The following RBFOX1 variants were observed in gnomAD, a reference collection of about 807,000 sequenced individuals.
RBFOX1 encodes the protein RNA binding protein fox-1 homolog 1.
Under a neutral mutation model 57.7 loss-of-function variants are expected in RBFOX1, and 8 were observed. That is an observed-to-expected ratio of 0.14 (90% CI 0.08 to 0.25). The LOEUF is 0.25. RBFOX1 is among the 10% of genes least tolerant of loss of function. The pLI, the probability that RBFOX1 is intolerant of heterozygous loss-of-function variation, is 1.00. For synonymous variants in RBFOX1, 326 were observed against 222.4 expected (o/e 1.47, Z -4.15); for missense variants, 611 against 548.5 (o/e 1.11, Z -1.14).
Position 5,523,158 on chromosome 16 carries a change from T to C in RBFOX1, c.258+55904T>C, listed in dbSNP as rs576940197. On this transcript the variant is annotated intron_variant, in intron 2 of 2. Transcript: ENST00000585867. Reference sequence around the variant, plus strand: ...AAAATTAGCTGGGTTTGGTGGTGCATGCCTGTAATTCCAGCTACTCGGGAG... The same window carrying C: ...AAAATTAGCTGGGTTTGGTGGTGCACGCCTGTAATTCCAGCTACTCGGGAG... 4.1e-3 allele frequency among the ~76,000 whole-genome samples: 629 copies of C among 152,216 alleles called. 2 individuals are homozygous for C. The highest frequency in any genetic ancestry group is 6.8e-3 in the Non-Finnish European group (460 of 67,994).
chr16:5,769,052 T>A (rs915508823), intron 3 of RBFOX1, among the ~76,000 whole-genome samples: 2 of 151,738 alleles, frequency 1.3e-5, no homozygotes, highest in African/African-American at 4.8e-5. Flanking sequence ...TTATAAAGCC[T>A]ATAAACTACC....
chr16:7,517,551 GACACACACACAC>G (rs35971142), intron 4 of RBFOX1, among the ~76,000 whole-genome samples: 1 of 150,314 alleles, frequency 6.7e-6, no homozygotes, highest in Admixed American at 6.6e-5. Context: ...CACACACACA[GACACACACACAC>G]ACACACACAC....
intron 2 of RBFOX1, among the ~76,000 whole-genome samples, chr16:6,514,142 T>A (rs2096317730): frequency 1.3e-5 from 2 of 152,146 alleles, no homozygotes; most frequent in African/African-American, 4.8e-5. Context: ...AGGTGTCACG[T>A]TCCATCCAGT....
chr16:6,842,717 A>G lies in RBFOX1; in HGVS notation c.-16+188067A>G, dbSNP rs371036227. ...TGTGTAGAATGTGCAGGTTTGTTAC[A>G]TAGGTATACATGTGCCATGGTGGTT... On this transcript the variant is annotated intron_variant, in intron 3 of 15. Coordinates refer to ENST00000550418, the MANE Select transcript of RBFOX1 (RefSeq NM_018723.4). Among the ~76,000 whole-genome samples the G allele has an allele frequency of 1.2e-3, 187 of 150,230 alleles. 1 individual carries two copies. Among genetic ancestry groups the G allele is most frequent in the African/African-American group, 4.1e-3 (169 of 40,774 alleles).
chr16:5,752,330 C>T (rs765791012), intron 3 of RBFOX1, among the ~76,000 whole-genome samples: 2 of 152,168 alleles, frequency 1.3e-5, no homozygotes. Flanking sequence ...CTAATAGATA[C>T]TAGGCTTCAT....
At chr16:7,590,623 G>T (rs2152918824) in intron 7 of RBFOX1, among the ~76,000 whole-genome samples, 1 of 152,170 alleles carries the variant, frequency 6.6e-6, no homozygotes, top group East Asian at 1.9e-4. Context: ...ACTTTGGGAG[G>T]CCGAGGCAGG....
rs577235679 is a variant in RBFOX1 at position 5,749,409 on chromosome 16, G to T, written c.319-117894G>T. Among the ~76,000 whole-genome samples the T allele has an allele frequency of 1.5e-4, 23 of 152,168 alleles. No homozygotes were observed. In the South Asian group the frequency reaches 4.8e-3, roughly 32 times the overall value. On this transcript the variant is annotated intron_variant, in intron 3 of 19. Transcript: ENST00000641259. ...CTGTATTTCCTGAATTTGAATGTTG[G>T]CCTGCCATGCTAGGTTGGGGAAGTT...
intron 1 of RBFOX1, among the ~76,000 whole-genome samples, chr16:5,417,700 C>G (rs1052265275): frequency 6.6e-6 from 1 of 152,178 alleles, no homozygotes; most frequent in Non-Finnish European, 1.5e-5. Flanking sequence ...GTTGGGAATA[C>G]AGCAGGCATT....
At chr16:6,879,176 C>G (rs1046823540) in intron 3 of RBFOX1, among the ~76,000 whole-genome samples, 1 of 152,094 alleles carries the variant, frequency 6.6e-6, no homozygotes, top group Non-Finnish European at 1.5e-5. Flanking sequence ...AGAATATCAG[C>G]CCTTTTAATA....
intron 3 of RBFOX1, among the ~76,000 whole-genome samples, chr16:6,771,613 G>C (rs1489881344): frequency 6.6e-6 from 1 of 152,194 alleles, no homozygotes; most frequent in Non-Finnish European, 1.5e-5. Flanking sequence ...TAACTCAGCA[G>C]TTCTCAACTG....
intron 3 of RBFOX1, among the ~76,000 whole-genome samples, chr16:5,658,768 A>C (rs2049541223): frequency 6.9e-6 from 1 of 144,344 alleles, no homozygotes; most frequent in Non-Finnish European, 1.5e-5. Flanking sequence ...ATGTGTATGT[A>C]TATATGTATA....
chr16:7,371,854 C>G (rs953839845), intron 4 of RBFOX1, among the ~76,000 whole-genome samples: 3 of 152,146 alleles, frequency 2.0e-5, no homozygotes, highest in African/African-American at 7.2e-5. Flanking sequence ...TCTAAATGCC[C>G]TGTGTGACTT....
intron 5 of RBFOX1, among the ~76,000 whole-genome samples, chr16:7,573,980 A>C (rs1251052918): frequency 6.6e-6 from 1 of 152,184 alleles, no homozygotes; most frequent in Admixed American, 6.5e-5. Flanking sequence ...GGTTTGTCCT[A>C]TTAGCAAGTT....
intron 3 of RBFOX1, among the ~76,000 whole-genome samples, chr16:5,789,701 G>T (rs1465221767): frequency 6.6e-6 from 1 of 152,132 alleles, no homozygotes; most frequent in Non-Finnish European, 1.5e-5. Context: ...CTCTTGATAA[G>T]AAGATAGAAG....
At chr16:7,052,235 C>G (rs988502681) in intron 4 of RBFOX1, 137 bp downstream of exon 4, 14 of 1,344,404 alleles carry the variant, frequency 1.0e-5, no homozygotes, top group Admixed American at 6.1e-5. Context: ...AATATTTATC[C>G]CAGCTTATTT....
chr16:5,749,471 G>A (rs542801284), intron 3 of RBFOX1, among the ~76,000 whole-genome samples: 24 of 152,130 alleles, frequency 1.6e-4, no homozygotes, highest in African/African-American at 4.6e-4. Flanking sequence ...TTTCCAACTT[G>A]GTGCCATTCT....
At chr16:7,376,582 A>T (rs186709231) in intron 4 of RBFOX1, among the ~76,000 whole-genome samples, 4 of 152,306 alleles carry the variant, frequency 2.6e-5, no homozygotes, top group Admixed American at 1.3e-4. Context: ...ACCTCCAGCT[A>T]ACTACCAGGG....
At chr16:6,662,143 A>G (rs1043141035) in intron 3 of RBFOX1, among the ~76,000 whole-genome samples, 67 of 152,186 alleles carry the variant, frequency 4.4e-4, no homozygotes, top group African/African-American at 1.6e-3. Context: ...GGGGTGAAAA[A>G]AAAGGGAGGA....
At chr16:7,138,328 C>G (rs749663138) in intron 4 of RBFOX1, among the ~76,000 whole-genome samples, 1 of 152,104 alleles carries the variant, frequency 6.6e-6, no homozygotes, top group Admixed American at 6.5e-5. Flanking sequence ...TAAATAAGAC[C>G]AAGGGTTTCA....
Sources: allele counts gnomAD v4.1 joint callset (sites outside exome capture counted in the v4.1 genomes callset), GRCh38; gene constraint gnomAD v4.1.1; transcripts MANE v1.5; gene names NCBI Gene and HGNC (gene_info 2026-07-23, HGNC 2026-07-21).